Variants in SGCD observed in about 807,000 individuals in gnomAD.
SGCD encodes delta-sarcoglycan.
A neutral mutation model predicts 36.6 loss-of-function variants in SGCD; 18 were observed. The observed-to-expected ratio is 0.49, with a 90% CI of 0.34 to 0.73. The LOEUF (loss-of-function observed/expected upper bound fraction) is 0.73. Ranked by LOEUF, SGCD falls within the 30% of genes least tolerant of loss-of-function variation. The probability of loss-of-function intolerance (pLI) is 0.01; values close to 1 mark genes in which losing one functional copy is unlikely to be tolerated. For synonymous variants in SGCD, 133 were observed against 130.6 expected (o/e 1.02, Z -0.12); for missense variants, 387 against 346.7 (o/e 1.12, Z -0.92).
chr5:155,759,668 G>A, the SGCD span, among the ~76,000 whole-genome samples: 1 of 152,146 alleles, frequency 6.6e-6, no homozygotes, highest in South Asian at 2.1e-4. Flanking sequence ...AGTAATCATG[G>A]TGAGATGTTC....
At chr5:156,149,027 A>T (rs1400413537) in intron 3 of SGCD, among the ~76,000 whole-genome samples, 1 of 152,174 alleles carries the variant, frequency 6.6e-6, no homozygotes, top group East Asian at 1.9e-4. Flanking sequence ...GTACTCAGGC[A>T]CCAGTTTCTC....
At chr5:156,579,899 T>C (rs1760172423) in intron 4 of SGCD, among the ~76,000 whole-genome samples, 1 of 152,246 alleles carries the variant, frequency 6.6e-6, no homozygotes, top group Non-Finnish European at 1.5e-5. Flanking sequence ...AACTGGGGAA[T>C]TTAGCCCATT....
At chr5:156,232,408 T>TA (rs1765042189) in intron 3 of SGCD, among the ~76,000 whole-genome samples, 1 of 152,130 alleles carries the variant, frequency 6.6e-6, no homozygotes, top group Admixed American at 6.5e-5. Context: ...AAAAAACCCA[T>TA]CTGTGTGCTC....
At chr5:156,222,565 T>C (rs554488077) in intron 3 of SGCD, among the ~76,000 whole-genome samples, 1 of 152,230 alleles carries the variant, frequency 6.6e-6, no homozygotes, top group African/African-American at 2.4e-5. Flanking sequence ...TTTTAAAGAA[T>C]GCTTGAGTAA....
Position 156,763,925 on chromosome 5 carries a change from G to T in SGCD, c.*4535G>T, listed in dbSNP as rs1159777825. On this transcript the variant is annotated 3_prime_UTR_variant, in exon 9 of 9. Transcript: ENST00000337851. Reference sequence around the variant, plus strand: ...GAGTATCTTGCTTTATTTTATAAAGGCCAAAGGTAGTATGAAGTTTGGACC... The same window carrying T: ...GAGTATCTTGCTTTATTTTATAAAGTCCAAAGGTAGTATGAAGTTTGGACC... The T allele has an allele frequency of 3.3e-5, 5 of 152,100 alleles. No individual in the cohort carries two copies. Among genetic ancestry groups the T allele is most frequent in the African/African-American group, 1.2e-4 (5 of 41,396 alleles). The allele number at this position is 152,100 out of a possible 1,614,324, so 9.4% of individuals were successfully genotyped here.
intron 1 of SGCD, among the ~76,000 whole-genome samples, chr5:155,919,276 A>G (rs979435533): frequency 6.6e-6 from 1 of 152,236 alleles, no homozygotes; most frequent in Non-Finnish European, 1.5e-5. Context: ...CATTGCTAGT[A>G]CATGATTGAG....
intron 7 of SGCD, among the ~76,000 whole-genome samples, chr5:156,709,629 T>C (rs1336992946): frequency 1.3e-5 from 2 of 152,212 alleles, no homozygotes; most frequent in Non-Finnish European, 2.9e-5. Flanking sequence ...ACTGCTTTTA[T>C]ATCCCTGCAA....
chr5:156,004,015 T>A (rs1464623523), intron 1 of SGCD, among the ~76,000 whole-genome samples: 1 of 152,236 alleles, frequency 6.6e-6, no homozygotes, highest in Non-Finnish European at 1.5e-5. Context: ...CATCTCATGT[T>A]ATTAGGATCT....
chr5:156,573,983 G>A (rs1308621190), intron 4 of SGCD, among the ~76,000 whole-genome samples: 1 of 152,118 alleles, frequency 6.6e-6, no homozygotes, highest in African/African-American at 2.4e-5. Context: ...ATGAGCCACT[G>A]CACCCATCCC....
chr5:155,970,193 A>C (rs557193217), intron 1 of SGCD, among the ~76,000 whole-genome samples: 1 of 152,110 alleles, frequency 6.6e-6, no homozygotes, highest in African/African-American at 2.4e-5. Context: ...GAGCTTTCCT[A>C]TTCTTCTCTT....
At chr5:155,932,549 A>G (rs1757119456) in intron 1 of SGCD, among the ~76,000 whole-genome samples, 1 of 152,122 alleles carries the variant, frequency 6.6e-6, no homozygotes, top group Non-Finnish European at 1.5e-5. Context: ...ACTTTGACCT[A>G]CTCACCCTCA....
intron 1 of SGCD, among the ~76,000 whole-genome samples, chr5:156,082,414 C>T (rs186320524): frequency 9.2e-5 from 14 of 152,282 alleles, no homozygotes; most frequent in Non-Finnish European, 1.5e-4. Context: ...CTATACCTTA[C>T]CACTAACCTG....
intron 4 of SGCD, among the ~76,000 whole-genome samples, chr5:156,568,420 C>A (rs75776487): frequency 0.12 from 18,841 of 152,204 alleles, 1,332 homozygotes; most frequent in Admixed American, 0.17. Flanking sequence ...GCTGTAACCA[C>A]TAAATGGTCC....
intron 3 of SGCD, among the ~76,000 whole-genome samples, chr5:156,286,260 G>T (rs1285058437): frequency 6.6e-6 from 1 of 152,216 alleles, no homozygotes; most frequent in Non-Finnish European, 1.5e-5. Context: ...GTGGATGTCA[G>T]TGTGGCGATT....
intron 3 of SGCD, among the ~76,000 whole-genome samples, chr5:156,290,030 T>A (rs931480206): frequency 1.3e-5 from 2 of 152,160 alleles, no homozygotes; most frequent in Non-Finnish European, 2.9e-5. Context: ...GGTTGAATAC[T>A]GGAAAGATTT....
At chr5:155,843,062 A>G in the SGCD span, among the ~76,000 whole-genome samples, 1 of 152,226 alleles carries the variant, frequency 6.6e-6, no homozygotes, top group African/African-American at 2.4e-5. Context: ...TTTCTCAAAT[A>G]ATCACCTTCC....
At chr5:155,758,755 G>A in the SGCD span, among the ~76,000 whole-genome samples, 1 of 152,154 alleles carries the variant, frequency 6.6e-6, no homozygotes, top group Admixed American at 6.5e-5. Flanking sequence ...ACCCAGCCCA[G>A]TCCATGGAAA....
At chr5:155,944,542 A>G (rs1757399400) in intron 1 of SGCD, among the ~76,000 whole-genome samples, 1 of 152,214 alleles carries the variant, frequency 6.6e-6, no homozygotes. Context: ...TATAGAGTTG[A>G]GAACAGAACA....
At chr5:155,975,596 TTTTC>T (rs1758095686) in intron 1 of SGCD, among the ~76,000 whole-genome samples, 1 of 149,108 alleles carries the variant, frequency 6.7e-6, no homozygotes, top group Non-Finnish European at 1.5e-5. Context: ...TGTTATTTAT[TTTTC>T]TTTCTTTCCT....
Sources: gnomAD v4.1 joint callset for allele counts (sites outside exome capture counted in the v4.1 genomes callset) on GRCh38, gnomAD v4.1.1 for gene constraint, MANE v1.5 for transcripts, NCBI Gene and HGNC (gene_info 2026-07-23, HGNC 2026-07-21) for gene names.